Variants in AGO2 observed in about 807,000 individuals in gnomAD.
AGO2 encodes the protein protein argonaute-2.
AGO2 carries 5 observed loss-of-function variants against 102.3 expected under a neutral mutation model. The ratio of observed to expected loss-of-function variants is 0.05; its 90% confidence interval spans 0.03 to 0.10. AGO2 has a LOEUF of 0.10. AGO2 is among the 10% of genes least tolerant of loss of function. AGO2 has a pLI of 1.00. For synonymous variants in AGO2, 449 were observed against 473.1 expected (o/e 0.95, Z 0.66); for missense variants, 541 against 1,183.7 (o/e 0.46, Z 7.97).
rs1312878603 is a variant in AGO2 at position 140,523,850 on chromosome 8, AAG to A, written c.*8192_*8193del. ...TTGCAGGATGGTGGGTTGGGGGAGA[AAG>A]AGGGGAGGGCCAAGAGGAGCCACCA... On this transcript the variant is annotated 3_prime_UTR_variant, in exon 19 of 19. Transcript: ENST00000220592. 6.6e-6 allele frequency: 1 copy of A among 152,186 alleles called. No individual in the cohort carries two copies. The highest frequency in any genetic ancestry group is 1.5e-5 in the Non-Finnish European group (1 of 68,042). The allele number at this position is 152,186 out of a possible 1,614,324, so 9.4% of individuals were successfully genotyped here.
intron 3 of AGO2, among the ~76,000 whole-genome samples, chr8:140,570,200 A>G (rs2132969658): frequency 6.6e-6 from 1 of 152,292 alleles, no homozygotes; most frequent in South Asian, 2.1e-4. Context: ...TAGGTTCTCT[A>G]TGCTCTCTGG....
Position 140,551,336 on chromosome 8 carries a change from G to A in AGO2, c.1370C>T (p.Ala457Val). ...GACTTCCGTGCACTGGCGCTGGGGG[G>A]CGAAGCACGCAATGGCCCACACCTT... Reference protein sequence around the residue: ...EIKVWAIACFAPQRQCTEVHL... With the variant: ...EIKVWAIACFVPQRQCTEVHL... Residue 457 changes from alanine (A) to valine (V), a missense_variant, in exon 11 of 19, where the codon GCC (alanine) becomes GTC (valine). Ala to Val is a moderately conservative substitution (Grantham distance 64). Around this residue, in one of 6 missense-constraint regions of AGO2, gnomAD observed 309 missense variants for 735.1 expected, o/e 0.42. Coordinates refer to ENST00000220592, the MANE Select transcript of AGO2 (RefSeq NM_012154.5). 3 of 1,582,598 alleles carry A rather than the reference G, an allele frequency of 1.9e-6. No individual in the cohort carries two copies. Among genetic ancestry groups the A allele is most frequent in the Non-Finnish European group, 2.6e-6 (3 of 1,160,194 alleles).
At chr8:140,568,421 T>A (rs1211182774) in intron 3 of AGO2, among the ~76,000 whole-genome samples, 1 of 152,140 alleles carries the variant, frequency 6.6e-6, no homozygotes, top group Non-Finnish European at 1.5e-5. Flanking sequence ...ACGGCCTCCC[T>A]GTCCACTGCT....
At chr8:140,598,642 C>A (rs1406849558) in intron 1 of AGO2, among the ~76,000 whole-genome samples, 1 of 152,246 alleles carries the variant, frequency 6.6e-6, no homozygotes, top group Non-Finnish European at 1.5e-5. Context: ...TGAGCCCCAC[C>A]AGGAGGAAGC....
rs752408110 is a variant in AGO2 at position 140,556,238 on chromosome 8, T to C, written c.1075A>G (p.Asn359Asp). ...GCTCTGATCATGGTTGAGGTCTGAT[T>C]GTCCGTTAATTTTTTAATACATCTT... ...GQRCIKKLTDNQTSTMIRATA... is the reference protein window; with the variant it reads ...GQRCIKKLTDDQTSTMIRATA... Residue 359 changes from asparagine (N) to aspartate (D), a missense_variant, in exon 9 of 19, where the codon AAT becomes GAT. Transcript: ENST00000220592. 1 of 1,614,182 alleles carries C rather than the reference T, an allele frequency of 6.2e-7. No homozygotes were observed.
At chr8:140,628,640 C>CA (rs1336883694) in intron 1 of AGO2, among the ~76,000 whole-genome samples, 1 of 151,084 alleles carries the variant, frequency 6.6e-6, no homozygotes, top group Non-Finnish European at 1.5e-5. Context: ...TCCATCTCTA[C>CA]AAAAAATAGT....
chr8:140,595,159 G>A (rs2073807521), intron 1 of AGO2, among the ~76,000 whole-genome samples: 2 of 152,144 alleles, frequency 1.3e-5, no homozygotes, highest in Admixed American at 1.3e-4. Flanking sequence ...GACTGAGAAG[G>A]ACTGAAAGGT....
intron 1 of AGO2, among the ~76,000 whole-genome samples, chr8:140,591,094 G>C (rs2073740442): frequency 6.6e-6 from 1 of 152,258 alleles, no homozygotes; most frequent in African/African-American, 2.4e-5. Flanking sequence ...TGCAGCCCCG[G>C]GTGGGGGCAG....
chr8:140,614,563 A>C (rs1013044054), intron 1 of AGO2, among the ~76,000 whole-genome samples: 8 of 152,188 alleles, frequency 5.3e-5, no homozygotes, highest in African/African-American at 1.9e-4. Flanking sequence ...TACTCTCCTC[A>C]TGTCTTCAGC....
At chr8:140,610,575 G>A (rs1456389123) in intron 1 of AGO2, among the ~76,000 whole-genome samples, 1 of 152,196 alleles carries the variant, frequency 6.6e-6, no homozygotes, top group East Asian at 1.9e-4. Context: ...AGCACAAAGA[G>A]AATTCCAACC....
intron 10 of AGO2, 31 bp downstream of exon 10, chr8:140,555,865 A>T: frequency 1.2e-6 from 2 of 1,604,532 alleles, no homozygotes; most frequent in Non-Finnish European, 1.7e-6. Flanking sequence ...CATGCCCCGC[A>T]GCCACACGTT....
At chr8:140,541,451 G>A in intron 14 of AGO2, 93 bp from the exon 15 acceptor site, 2 of 1,197,840 alleles carry the variant, frequency 1.7e-6, no homozygotes, top group Admixed American at 2.8e-5. Context: ...GGGACGAGAA[G>A]TGTCCCCACC....
intron 1 of AGO2, among the ~76,000 whole-genome samples, chr8:140,603,060 C>T (rs1420821463): frequency 6.6e-6 from 1 of 152,246 alleles, no homozygotes; most frequent in Non-Finnish European, 1.5e-5. Context: ...CTATTATTTG[C>T]TATCCGAAAG....
intron 1 of AGO2, among the ~76,000 whole-genome samples, chr8:140,597,244 C>T (rs1292572642): frequency 3.9e-5 from 6 of 152,306 alleles, no homozygotes; most frequent in Admixed American, 2.0e-4. Context: ...GCAGGAAAAC[C>T]GCCTCATTTA....
chr8:140,605,418 TA>T (rs1391275634), intron 1 of AGO2, among the ~76,000 whole-genome samples: 1 of 151,906 alleles, frequency 6.6e-6, no homozygotes, highest in Non-Finnish European at 1.5e-5. Context: ...TTCTAAAGCT[TA>T]AAAAAAATAT....
At chr8:140,635,355 C>T in intron 1 of AGO2, 130 bp downstream of exon 1, 1 of 566,676 alleles carries the variant, frequency 1.8e-6, no homozygotes, top group Non-Finnish European at 2.2e-6. Context: ...CCGGCTCGCC[C>T]GCCCCCGGCC....
intron 1 of AGO2, among the ~76,000 whole-genome samples, chr8:140,600,095 G>A (rs533013602): frequency 1.3e-5 from 2 of 152,366 alleles, no homozygotes; most frequent in Middle Eastern, 3.4e-3. Flanking sequence ...AAGATGAGAC[G>A]CCTTGGCAGG....
chr8:140,570,138 C>T (rs1012847969), intron 3 of AGO2, among the ~76,000 whole-genome samples: 7 of 152,266 alleles, frequency 4.6e-5, no homozygotes, highest in African/African-American at 9.6e-5. Flanking sequence ...GTGGGAGGAG[C>T]GTGGTCTGCA....
intron 17 of AGO2, 149 bp downstream of exon 17, chr8:140,535,319 A>C: frequency 1.6e-4 from 104 of 643,514 alleles, no homozygotes; most frequent in East Asian, 4.4e-4. Flanking sequence ...AGCGCCTGGC[A>C]CAGCCTGGGC....
Sources: gnomAD v4.1 joint callset for allele counts (sites outside exome capture counted in the v4.1 genomes callset) on GRCh38, gnomAD v4.1.1 for gene constraint, gnomAD v4.1.1 regional missense constraint, MANE v1.5 for transcripts, NCBI Gene and HGNC (gene_info 2026-07-23, HGNC 2026-07-21) for gene names.